FANCC: variants seen among roughly 807,000 people sequenced by gnomAD.
FANCC encodes Fanconi anemia group C protein.
Under a neutral mutation model 71.3 loss-of-function variants are expected in FANCC, and 55 were observed. The ratio of observed to expected loss-of-function variants is 0.77; its 90% CI spans 0.62 to 0.97. FANCC has a LOEUF of 0.97. FANCC is among the 50% of genes least tolerant of loss of function. FANCC has a pLI of 0.00. For synonymous variants in FANCC, 275 were observed against 244.9 expected (o/e 1.12, Z -1.15); for missense variants, 678 against 670.9 (o/e 1.01, Z -0.12).
chr9:95,146,775 C>G (rs569351791), intron 7 of FANCC, among the ~76,000 whole-genome samples: 29 of 151,798 alleles, frequency 1.9e-4, no homozygotes, highest in Non-Finnish European at 3.7e-4. Context: ...TAGTCAGAGG[C>G]CATGCAACAA....
At chr9:95,271,927 C>CTTCTTTTTTTTTTT (rs1832750730) in intron 1 of FANCC, among the ~76,000 whole-genome samples, 3 of 50,510 alleles carry the variant, frequency 5.9e-5, no homozygotes, top group East Asian at 1.3e-3. Context: ...CAAGCCTCTT[C>CTTCTTTTTTTTTTT]TTTTTTTTTT....
At chr9:95,118,613 CAA>C (rs761183433) in intron 10 of FANCC, among the ~76,000 whole-genome samples, 9 of 152,156 alleles carry the variant, frequency 5.9e-5, no homozygotes, top group East Asian at 3.8e-4. Flanking sequence ...TTGATTTTGA[CAA>C]GAGAGATTAG....
At chr9:95,302,227 C>T (rs1834788816) in intron 1 of FANCC, among the ~76,000 whole-genome samples, 1 of 152,166 alleles carries the variant, frequency 6.6e-6, no homozygotes, top group Non-Finnish European at 1.5e-5. Flanking sequence ...GAGCTGCTCC[C>T]ACGTGGTGGA....
chr9:95,292,613 G>C (rs946332815), intron 1 of FANCC: 13 of 1,455,814 alleles, frequency 8.9e-6, no homozygotes, highest in Non-Finnish European at 1.3e-5. Flanking sequence ...GCTGCCGCAA[G>C]ATCCTGCCCA....
At chr9:95,225,172 C>A (rs111239227) in intron 4 of FANCC, among the ~76,000 whole-genome samples, 1 of 152,174 alleles carries the variant, frequency 6.6e-6, no homozygotes, top group Non-Finnish European at 1.5e-5. Flanking sequence ...TGGGAAATCA[C>A]TGAACTTCAA....
chr9:95,119,688 T>C (rs1479098084), intron 10 of FANCC, among the ~76,000 whole-genome samples: 1 of 151,938 alleles, frequency 6.6e-6, no homozygotes, highest in Non-Finnish European at 1.5e-5. Flanking sequence ...CTTAATGATA[T>C]CTATCAAAGA....
chr9:95,244,690 A>AAAC, intron 3 of FANCC, among the ~76,000 whole-genome samples: 1 of 144,626 alleles, frequency 6.9e-6, no homozygotes, highest in African/African-American at 2.5e-5. Context: ...AAAAAAAAAA[A>AAAC]AAAAAAAAAA....
intron 4 of FANCC, among the ~76,000 whole-genome samples, chr9:95,231,637 A>G (rs781735834): frequency 4.1e-4 from 62 of 152,214 alleles, no homozygotes; most frequent in Non-Finnish European, 7.8e-4. Flanking sequence ...CCCCGTCCTT[A>G]GCTGAACTAG....
chr9:95,248,711 T>C (rs1001734482), intron 2 of FANCC, among the ~76,000 whole-genome samples: 2 of 151,940 alleles, frequency 1.3e-5, no homozygotes, highest in Non-Finnish European at 2.9e-5. Flanking sequence ...TCTTAATATT[T>C]ATAAAAAGTA....
At chr9:95,136,564 G>A (rs921993229) in intron 7 of FANCC, among the ~76,000 whole-genome samples, 2 of 151,892 alleles carry the variant, frequency 1.3e-5, no homozygotes, top group Admixed American at 6.5e-5. Flanking sequence ...AAAGTTCCCT[G>A]TAACCTCAAA....
intron 1 of FANCC, among the ~76,000 whole-genome samples, chr9:95,264,365 T>TA (rs1832257831): frequency 1.3e-5 from 2 of 152,180 alleles, no homozygotes; most frequent in African/African-American, 4.8e-5. Flanking sequence ...ATAAAACAGA[T>TA]AAAATTCTGA....
chr9:95,171,913 G>C, intron 5 of FANCC, 124 bp downstream of exon 5: 1 of 704,756 alleles, frequency 1.4e-6, no homozygotes, highest in South Asian at 1.6e-5. Context: ...CCCAAGGTAA[G>C]AAGAGATAAA....
chr9:95,265,206 T>C (rs765464837), intron 1 of FANCC, among the ~76,000 whole-genome samples: 2 of 152,162 alleles, frequency 1.3e-5, no homozygotes, highest in South Asian at 2.1e-4. Flanking sequence ...CAAACCTCAA[T>C]TGTAAACAAA....
chr9:95,253,402 T>C (rs1396880037), intron 1 of FANCC, among the ~76,000 whole-genome samples: 1 of 152,172 alleles, frequency 6.6e-6, no homozygotes, highest in Non-Finnish European at 1.5e-5. Context: ...TCCCTAGAGG[T>C]ATCTGAGCTC....
intron 1 of FANCC, chr9:95,294,365 T>A (rs1163584959): frequency 6.3e-7 from 1 of 1,591,906 alleles, no homozygotes; most frequent in African/African-American, 1.3e-5. Context: ...CAAACGGACT[T>A]CTTACTCGCA....
chr9:95,260,093 G>C (rs559610072), intron 1 of FANCC, among the ~76,000 whole-genome samples: 2 of 152,296 alleles, frequency 1.3e-5, no homozygotes, highest in African/African-American at 2.4e-5. Flanking sequence ...CCTGTTGGTG[G>C]GAGTGTAAAT....
chr9:95,279,818 G>A (rs765272672), intron 1 of FANCC, among the ~76,000 whole-genome samples: 1 of 151,796 alleles, frequency 6.6e-6, no homozygotes, highest in Non-Finnish European at 1.5e-5. Flanking sequence ...TGTGGTGGCA[G>A]GTGCCTGTAA....
chr9:95,299,893 G>A (rs906728729), intron 1 of FANCC, among the ~76,000 whole-genome samples: 1 of 151,958 alleles, frequency 6.6e-6, no homozygotes, highest in East Asian at 1.9e-4. Flanking sequence ...ACACAAAATG[G>A]TATCTCTGTA....
At chr9:95,317,092 T>C (rs1835795373) in intron 1 of FANCC, 1 of 152,408 alleles carries the variant, frequency 6.6e-6, no homozygotes, top group African/African-American at 2.4e-5. Context: ...GGGCGAGCTT[T>C]TCACGGCTCC....
Sources: gnomAD v4.1 joint callset for allele counts (sites outside exome capture counted in the v4.1 genomes callset) on GRCh38, gnomAD v4.1.1 for gene constraint, MANE v1.5 for transcripts, NCBI Gene and HGNC (gene_info 2026-07-23, HGNC 2026-07-21) for gene names.